SLC9A9: variants seen among roughly 807,000 people sequenced by gnomAD.
The protein encoded by SLC9A9 is solute carrier family 9 member A9.
SLC9A9 carries 62 observed loss-of-function variants against 77.8 expected under a neutral mutation model. The observed-to-expected ratio is 0.80, with a 90% CI of 0.65 to 0.98. The LOEUF (loss-of-function observed/expected upper bound fraction) is 0.98, where lower values mean the gene tolerates loss of function less well. Ranked by LOEUF, SLC9A9 falls within the 50% of genes least tolerant of loss-of-function variation. The pLI is 0.00. For synonymous variants in SLC9A9, 320 were observed against 283.5 expected, an observed-to-expected ratio of 1.13 and a Z score of -1.29; for missense variants, 775 against 774.9, an observed-to-expected ratio of 1.00 and a Z score of 0.00.
At chr3:143,540,114 G>A (rs920692833) in intron 9 of SLC9A9, among the ~76,000 whole-genome samples, 2 of 152,126 alleles carry the variant, frequency 1.3e-5, no homozygotes, top group African/African-American at 4.8e-5. Context: ...AGGTAAATTA[G>A]TATGTGCCAC....
intron 13 of SLC9A9, among the ~76,000 whole-genome samples, chr3:143,370,258 G>A (rs2108489399): frequency 6.6e-6 from 1 of 152,240 alleles, no homozygotes; most frequent in South Asian, 2.1e-4. Flanking sequence ...AAAATGTTGA[G>A]GCCTACATTT....
intron 4 of SLC9A9, among the ~76,000 whole-genome samples, chr3:143,742,545 TA>T (rs924807458): frequency 2.0e-5 from 3 of 152,154 alleles, no homozygotes; most frequent in African/African-American, 7.2e-5. Context: ...CCAGTAGTCC[TA>T]AAAGTTATCA....
intron 4 of SLC9A9, among the ~76,000 whole-genome samples, chr3:143,727,224 T>C (rs1934676454): frequency 6.6e-6 from 1 of 152,134 alleles, no homozygotes; most frequent in South Asian, 2.1e-4. Flanking sequence ...TACTCTGAGA[T>C]GAGACAACCA....
intron 9 of SLC9A9, among the ~76,000 whole-genome samples, chr3:143,497,800 AAAC>A (rs2035860847): frequency 6.6e-6 from 1 of 152,180 alleles, no homozygotes; most frequent in African/African-American, 2.4e-5. Flanking sequence ...TTTTCACTCT[AAAC>A]AGATTATAAA....
intron 14 of SLC9A9, among the ~76,000 whole-genome samples, chr3:143,360,443 C>T (rs1422462722): frequency 2.0e-5 from 3 of 152,094 alleles, no homozygotes; most frequent in Admixed American, 6.6e-5. Flanking sequence ...ACAGGGGAGC[C>T]GCTGTTGCAG....
intron 14 of SLC9A9, among the ~76,000 whole-genome samples, chr3:143,358,484 C>G (rs1269277044): frequency 6.6e-6 from 1 of 152,098 alleles, no homozygotes; most frequent in Non-Finnish European, 1.5e-5. Context: ...GTTAGGCTGC[C>G]CTTTTTATTT....
At chr3:143,802,355 C>T (rs2008586384) in intron 2 of SLC9A9, among the ~76,000 whole-genome samples, 1 of 152,194 alleles carries the variant, frequency 6.6e-6, no homozygotes, top group African/African-American at 2.4e-5. Flanking sequence ...GTTTCATCTG[C>T]TATTCTACTA....
chr3:143,326,992 T>C (rs1384562047), intron 14 of SLC9A9, among the ~76,000 whole-genome samples: 1 of 152,178 alleles, frequency 6.6e-6, no homozygotes, highest in Non-Finnish European at 1.5e-5. Context: ...TATCTGTCAG[T>C]AGATGGAGTA....
In SLC9A9 at chr3:143,517,851, C is replaced by A. The variant is rs189144266; in HGVS notation, c.1090-22403G>T. 5 of 1,596,522 alleles carry A rather than the reference C, an allele frequency of 3.1e-6. No homozygotes were observed. The South Asian group carries it at 5.5e-5, about 18-fold the overall frequency. ...TCAATGGCTTTCTGGAGTTCACCAT[C>A]GTTTAGGGCTTCAATAGCAGCCACT... On this transcript the variant is annotated intron_variant, in intron 9 of 15. Coordinates refer to ENST00000316549, the MANE Select transcript of SLC9A9 (RefSeq NM_173653.4).
At chr3:143,657,810 T>G (rs1320244029) in intron 5 of SLC9A9, among the ~76,000 whole-genome samples, 1 of 152,232 alleles carries the variant, frequency 6.6e-6, no homozygotes, top group African/African-American at 2.4e-5. Flanking sequence ...TTTAAATAAA[T>G]TAATAAAAAC....
At chr3:143,638,613 A>G (rs1375613162) in intron 6 of SLC9A9, among the ~76,000 whole-genome samples, 3 of 152,254 alleles carry the variant, frequency 2.0e-5, no homozygotes, top group Non-Finnish European at 4.4e-5. Context: ...AAAATTGATA[A>G]GAGCTCCTGA....
chr3:143,342,045 C>A (rs2032116046), intron 14 of SLC9A9, among the ~76,000 whole-genome samples: 1 of 152,136 alleles, frequency 6.6e-6, no homozygotes, highest in Non-Finnish European at 1.5e-5. Flanking sequence ...CAGTCAGGAC[C>A]CAGCTCTGCT....
chr3:143,367,604 C>T (rs963103364), intron 13 of SLC9A9, among the ~76,000 whole-genome samples: 14 of 152,236 alleles, frequency 9.2e-5, no homozygotes, highest in East Asian at 7.7e-4. Flanking sequence ...AAGGGAAGGC[C>T]GGTCTTTGAA....
intron 11 of SLC9A9, among the ~76,000 whole-genome samples, chr3:143,475,419 C>T (rs1164769639): frequency 6.6e-6 from 1 of 152,058 alleles, no homozygotes; most frequent in Non-Finnish European, 1.5e-5. Flanking sequence ...TAGATGGCAC[C>T]TCTTATAGGG....
chr3:143,651,272 G>C (rs1321258290), intron 6 of SLC9A9, among the ~76,000 whole-genome samples: 1 of 151,990 alleles, frequency 6.6e-6, no homozygotes, highest in Non-Finnish European at 1.5e-5. Context: ...ACTTCTCTGT[G>C]GCCAGGTGAA....
intron 14 of SLC9A9, among the ~76,000 whole-genome samples, chr3:143,271,555 C>G (rs1206027885): frequency 1.3e-5 from 2 of 152,196 alleles, no homozygotes. Flanking sequence ...GAAAACGATA[C>G]TGAAGGTAGA....
At chr3:143,589,855 C>T (rs1482021544) in intron 6 of SLC9A9, among the ~76,000 whole-genome samples, 2 of 152,150 alleles carry the variant, frequency 1.3e-5, no homozygotes, top group Non-Finnish European at 2.9e-5. Flanking sequence ...CCGGAATGTG[C>T]TCACAGAGAA....
chr3:143,641,383 G>GTTT (rs1264945564), intron 6 of SLC9A9, among the ~76,000 whole-genome samples: 12 of 98,112 alleles, frequency 1.2e-4, no homozygotes, highest in African/African-American at 2.4e-4. Context: ...TGTTGTCACA[G>GTTT]TCTTTTTTTT....
chr3:143,691,128 G>T (rs913584824), intron 5 of SLC9A9, among the ~76,000 whole-genome samples: 1 of 152,232 alleles, frequency 6.6e-6, no homozygotes, highest in South Asian at 2.1e-4. Flanking sequence ...AAGTCACTAT[G>T]TGGTGCCAAT....
Sources: allele counts gnomAD v4.1 joint callset (sites outside exome capture counted in the v4.1 genomes callset), GRCh38; gene constraint gnomAD v4.1.1; transcripts MANE v1.5; gene names NCBI Gene and HGNC (gene_info 2026-07-23, HGNC 2026-07-21).